Variants in PTPRQ observed in about 807,000 individuals in gnomAD.
PTPRQ encodes protein tyrosine phosphatase receptor type Q.
PTPRQ carries 199 observed loss-of-function variants against 246.0 expected under a neutral mutation model. That is an observed-to-expected ratio of 0.81 (90% confidence interval 0.72 to 0.91). PTPRQ has a LOEUF of 0.91. Among genes scored for constraint, PTPRQ ranks in the 40% least tolerant of loss-of-function variants. The pLI, the probability that PTPRQ is intolerant of heterozygous loss-of-function variation, is 0.00. For synonymous variants in PTPRQ, 869 were observed against 853.2 expected (o/e 1.02, Z -0.32); for missense variants, 2,624 against 2,528.4 (o/e 1.04, Z -0.81).
At chr12:80,568,311 A>T (rs1330690784) in intron 25 of PTPRQ, among the ~76,000 whole-genome samples, 1 of 152,200 alleles carries the variant, frequency 6.6e-6, no homozygotes, top group Admixed American at 6.5e-5. Flanking sequence ...CTTATGTTAC[A>T]GAGAGGGCCT....
chr12:80,622,007 T>C (rs546711566), intron 32 of PTPRQ, 54 bp from the exon 33 acceptor site: 2 of 1,137,332 alleles, frequency 1.8e-6, no homozygotes, highest in Non-Finnish European at 1.2e-6. Flanking sequence ...GAGTTATTCA[T>C]AGGAAAAATC....
intron 26 of PTPRQ, among the ~76,000 whole-genome samples, chr12:80,603,848 T>C (rs1469456278): frequency 6.6e-6 from 1 of 151,638 alleles, no homozygotes; most frequent in Non-Finnish European, 1.5e-5. Flanking sequence ...TGCTCTCTCA[T>C]TGTAGATTAT....
intron 17 of PTPRQ, among the ~76,000 whole-genome samples, chr12:80,513,844 T>G (rs1895197451): frequency 6.6e-6 from 1 of 152,166 alleles, no homozygotes; most frequent in South Asian, 2.1e-4. Context: ...CATGTCTGTG[T>G]TGAACCTCAG....
chr12:80,532,951 A>G (rs73349708), intron 17 of PTPRQ, among the ~76,000 whole-genome samples: 1,713 of 152,294 alleles, frequency 0.011, 38 homozygotes, highest in African/African-American at 0.038. Context: ...AAAATTTATT[A>G]TTCCTCCTAA....
chr12:80,534,767 A>G, intron 18 of PTPRQ, 125 bp from the exon 19 acceptor site: 18 of 1,220,810 alleles, frequency 1.5e-5, no homozygotes, highest in Non-Finnish European at 1.9e-5. Flanking sequence ...GACATTTCTA[A>G]TTCAAGCTTT....
chr12:80,546,651 T>G lies in PTPRQ; in HGVS notation c.3969T>G (p.Asn1323Lys), dbSNP rs957077643. ...IRVSAFTKVG[N>K]GNQFSNVVKF... The stretch of plus-strand genomic sequence containing the variant: ...TATCTGCGTTCACCAAAGTTGGAAA[T>G]GGCAATCAATTTAGTAATGTAGTAA... The change falls in exon 24 of 45, where the codon AAT (asparagine) becomes AAG (lysine). Residue 1323 changes from asparagine to lysine, a missense_variant. By Grantham distance (94) the Asn-to-Lys change is moderately conservative. Transcript: ENST00000644991. 1 of 1,551,412 alleles carries G rather than the reference T, an allele frequency of 6.4e-7. No homozygotes were observed. Among genetic ancestry groups the G allele is most frequent in the Non-Finnish European group, 8.7e-7 (1 of 1,146,898 alleles).
chr12:80,454,483 G>A (rs1221276054), intron 3 of PTPRQ: 1 of 702,104 alleles, frequency 1.4e-6, no homozygotes, highest in Non-Finnish European at 2.6e-6. Context: ...TGATCGCTCT[G>A]GCTAGGCCTT....
At chr12:80,536,930 T>G (rs1307091947) in intron 19 of PTPRQ, among the ~76,000 whole-genome samples, 1 of 152,226 alleles carries the variant, frequency 6.6e-6, no homozygotes, top group Non-Finnish European at 1.5e-5. Flanking sequence ...TTCTATGTGA[T>G]TTATATTTTG....
At chr12:80,627,665 A>T (rs1899257546) in intron 33 of PTPRQ, among the ~76,000 whole-genome samples, 1 of 152,156 alleles carries the variant, frequency 6.6e-6, no homozygotes, top group Non-Finnish European at 1.5e-5. Flanking sequence ...GCCAAATTAT[A>T]GTAGTACAAT....
chr12:80,589,915 C>G (rs1216737305), intron 26 of PTPRQ, among the ~76,000 whole-genome samples: 2 of 152,114 alleles, frequency 1.3e-5, no homozygotes, highest in African/African-American at 4.8e-5. Context: ...GCCCTTTTCT[C>G]TTCTTTATCA....
At chr12:80,640,122 C>T (rs553022378) in intron 35 of PTPRQ, among the ~76,000 whole-genome samples, 5 of 151,588 alleles carry the variant, frequency 3.3e-5, no homozygotes, top group African/African-American at 1.2e-4. Context: ...TAGACAAAGA[C>T]CCATGGAATT....
chr12:80,510,918 A>T (rs572592737), intron 17 of PTPRQ, among the ~76,000 whole-genome samples: 16 of 152,260 alleles, frequency 1.1e-4, no homozygotes, highest in African/African-American at 3.9e-4. Flanking sequence ...TGTTACCCTG[A>T]TTGCCTGTTT....
intron 25 of PTPRQ, among the ~76,000 whole-genome samples, chr12:80,557,320 C>T (rs1896673405): frequency 6.6e-6 from 1 of 151,956 alleles, no homozygotes; most frequent in South Asian, 2.1e-4. Context: ...ATACTCCTTT[C>T]CTGCTTTACT....
chr12:80,613,467 G>A (rs946578474), intron 28 of PTPRQ, 125 bp from the exon 29 acceptor site: 4 of 947,658 alleles, frequency 4.2e-6, no homozygotes, highest in Admixed American at 6.2e-5. Flanking sequence ...GCTAGTTTTT[G>A]CAGTTTATAT....
intron 39 of PTPRQ, among the ~76,000 whole-genome samples, chr12:80,660,077 A>G (rs1167679994): frequency 6.6e-6 from 1 of 152,044 alleles, no homozygotes; most frequent in Admixed American, 6.6e-5. Flanking sequence ...ATTCGAAAGC[A>G]CTTCCAATTG....
chr12:80,444,581 C>T (rs1458983724), intron 1 of PTPRQ, among the ~76,000 whole-genome samples, 160 bp from the exon 2 acceptor site: 4 of 145,338 alleles, frequency 2.8e-5, no homozygotes, highest in African/African-American at 1.1e-4. Flanking sequence ...AGTTATATAA[C>T]ATATTTGTAT....
chr12:80,481,514 G>A (rs1592563225), intron 8 of PTPRQ, among the ~76,000 whole-genome samples: 4 of 152,240 alleles, frequency 2.6e-5, no homozygotes, highest in African/African-American at 9.6e-5. Flanking sequence ...AGTGTTGGAA[G>A]TTCTGCCCAG....
At chr12:80,481,493 C>G (rs1894055476) in intron 8 of PTPRQ, among the ~76,000 whole-genome samples, 2 of 152,156 alleles carry the variant, frequency 1.3e-5, no homozygotes, top group South Asian at 4.1e-4. Context: ...CTCACCACTC[C>G]TATTCAACAT....
intron 33 of PTPRQ, among the ~76,000 whole-genome samples, chr12:80,626,368 A>G (rs1212030497): frequency 1.3e-5 from 2 of 152,192 alleles, no homozygotes; most frequent in East Asian, 3.8e-4. Context: ...CTAAAATGAG[A>G]ATACTAATAC....
Sources: allele counts gnomAD v4.1 joint callset (sites outside exome capture counted in the v4.1 genomes callset), GRCh38; gene constraint gnomAD v4.1.1; transcripts MANE v1.5; gene names NCBI Gene and HGNC (gene_info 2026-07-23, HGNC 2026-07-21).